The following ARB2A variants were observed in gnomAD, a reference collection of about 807,000 sequenced individuals.
ARB2A encodes the protein ARB2 cotranscriptional regulator A.
chr5:93,874,117 C>G, the ARB2A span, among the ~76,000 whole-genome samples: 1 of 152,104 alleles, frequency 6.6e-6, no homozygotes, highest in African/African-American at 2.4e-5. Flanking sequence ...TGTAATATTG[C>G]TGAGTTCCAA....
chr5:93,891,866 G>A, the ARB2A span, among the ~76,000 whole-genome samples: 1 of 152,268 alleles, frequency 6.6e-6, no homozygotes, highest in Non-Finnish European at 1.5e-5. Flanking sequence ...GTCACAAGGG[G>A]TGATATGCAT....
chr5:93,782,720 T>C, the ARB2A span, among the ~76,000 whole-genome samples: 2 of 152,200 alleles, frequency 1.3e-5, no homozygotes, highest in African/African-American at 4.8e-5. Flanking sequence ...GTAGGTATTA[T>C]AGTTTACAGA....
chr5:93,798,590 T>C, the ARB2A span, among the ~76,000 whole-genome samples: 2 of 152,176 alleles, frequency 1.3e-5, no homozygotes, highest in African/African-American at 2.4e-5. Context: ...TGGCTCCACC[T>C]GTACCATCAC....
At chr5:94,088,225 T>C in the ARB2A span, among the ~76,000 whole-genome samples, 11 of 152,294 alleles carry the variant, frequency 7.2e-5, no homozygotes, top group African/African-American at 1.7e-4. Context: ...TAAAACCCAA[T>C]TGATTCCTTG....
the ARB2A span, among the ~76,000 whole-genome samples, chr5:93,953,214 T>A: frequency 1.3e-5 from 2 of 152,180 alleles, no homozygotes; most frequent in African/African-American, 4.8e-5. Context: ...CTTGCGGATG[T>A]TTGTCGGTAT....
the ARB2A span, among the ~76,000 whole-genome samples, chr5:93,790,849 T>C: frequency 6.6e-6 from 1 of 152,214 alleles, no homozygotes; most frequent in Admixed American, 6.5e-5. Context: ...GCTTTAGAAT[T>C]AGACGTGCTT....
At chr5:93,878,535 G>A in the ARB2A span, among the ~76,000 whole-genome samples, 1 of 151,916 alleles carries the variant, frequency 6.6e-6, no homozygotes, top group Non-Finnish European at 1.5e-5. Flanking sequence ...CTCAGACTGA[G>A]TTTCCACCCT....
the ARB2A span, among the ~76,000 whole-genome samples, chr5:93,975,265 C>T: frequency 1.4e-5 from 2 of 146,724 alleles, no homozygotes; most frequent in Admixed American, 7.0e-5. Flanking sequence ...TGCAGTGATC[C>T]GAGATCATGC....
the ARB2A span, chr5:93,621,264 C>G: frequency 1.4e-6 from 1 of 739,190 alleles, no homozygotes; most frequent in Non-Finnish European, 1.8e-6. Flanking sequence ...CTGCGCCCCG[C>G]CTCAGCCGCC....
the ARB2A span, among the ~76,000 whole-genome samples, chr5:93,662,119 T>C: frequency 6.6e-6 from 1 of 152,208 alleles, no homozygotes; most frequent in Non-Finnish European, 1.5e-5. Flanking sequence ...ACCAGATTCA[T>C]TTCACGTTAC....
chr5:93,843,210 T>C, the ARB2A span, among the ~76,000 whole-genome samples: 3 of 152,164 alleles, frequency 2.0e-5, no homozygotes, highest in Non-Finnish European at 4.4e-5. Context: ...GAGATTCCAA[T>C]TACTTTTTAA....
chr5:93,934,555 G>A, the ARB2A span, among the ~76,000 whole-genome samples: 1 of 152,270 alleles, frequency 6.6e-6, no homozygotes, highest in African/African-American at 2.4e-5. Context: ...TTTGCCTGTA[G>A]TTGGGTTAGA....
the ARB2A span, among the ~76,000 whole-genome samples, chr5:94,038,646 ATGATAG>A: frequency 6.6e-6 from 1 of 152,152 alleles, no homozygotes; most frequent in East Asian, 1.9e-4. Flanking sequence ...TTACATTTAA[ATGATAG>A]TGCATTTCAG....
chr5:93,818,545 C>T, the ARB2A span, among the ~76,000 whole-genome samples: 1 of 152,052 alleles, frequency 6.6e-6, no homozygotes, highest in Non-Finnish European at 1.5e-5. Flanking sequence ...TGAAGCTGAA[C>T]CGATTGGGGA....
chr5:93,825,699 A>C, the ARB2A span, among the ~76,000 whole-genome samples: 1 of 152,140 alleles, frequency 6.6e-6, no homozygotes, highest in Non-Finnish European at 1.5e-5. Context: ...TTTTCCATGA[A>C]CTTTTTGAAG....
chr5:93,951,832 C>T, the ARB2A span, among the ~76,000 whole-genome samples: 5 of 152,000 alleles, frequency 3.3e-5, no homozygotes, highest in East Asian at 1.9e-4. Flanking sequence ...AATATATACA[C>T]GTAGGTACAT....
At chr5:94,071,889 T>TA in the ARB2A span, among the ~76,000 whole-genome samples, 3 of 152,140 alleles carry the variant, frequency 2.0e-5, no homozygotes, top group Non-Finnish European at 4.4e-5. Context: ...TATGAAAACT[T>TA]ATGTTCACAT....
At chr5:93,632,074 G>T in the ARB2A span, among the ~76,000 whole-genome samples, 2 of 152,054 alleles carry the variant, frequency 1.3e-5, no homozygotes, top group African/African-American at 4.8e-5. Flanking sequence ...TGGTACTGGG[G>T]GTGCAGTGGT....
the ARB2A span, among the ~76,000 whole-genome samples, chr5:93,906,402 G>C: frequency 4.0e-5 from 6 of 151,220 alleles, no homozygotes; most frequent in Non-Finnish European, 8.9e-5. Flanking sequence ...TACTATTTAT[G>C]ACATCTTGGG....
Sources: allele counts gnomAD v4.1 joint callset (sites outside exome capture counted in the v4.1 genomes callset), GRCh38; gene constraint gnomAD v4.1.1; transcripts MANE v1.5; gene names NCBI Gene and HGNC (gene_info 2026-07-23, HGNC 2026-07-21).